Variants in CGNL1 observed in about 807,000 individuals in gnomAD.
The protein encoded by CGNL1 is cingulin-like protein 1.
CGNL1 carries 132 observed loss-of-function variants against 141.2 expected under a neutral mutation model. The ratio of observed to expected loss-of-function variants is 0.93; its 90% CI spans 0.81 to 1.08. The LOEUF (loss-of-function observed/expected upper bound fraction) is 1.08. Ranked by LOEUF, CGNL1 falls within the 50% of genes least tolerant of loss-of-function variation. The pLI, the probability that CGNL1 is intolerant of heterozygous loss-of-function variation, is 0.00. For missense variants in CGNL1, 1,870 were observed against 1,588.6 expected, an observed-to-expected ratio of 1.18 and a Z score of -3.01; for synonymous variants, 690 against 622.1, an observed-to-expected ratio of 1.11 and a Z score of -1.63.
chr15:57,496,893 T>C (rs1257596350), intron 8 of CGNL1, among the ~76,000 whole-genome samples: 1 of 152,070 alleles, frequency 6.6e-6, no homozygotes, highest in Non-Finnish European at 1.5e-5. Context: ...AACAGATGGG[T>C]GCTGATAGAC....
chr15:57,503,303 A>T (rs1183766975), intron 8 of CGNL1, among the ~76,000 whole-genome samples: 1 of 152,188 alleles, frequency 6.6e-6, no homozygotes, highest in Non-Finnish European at 1.5e-5. Context: ...GGGCTTCTCA[A>T]AATCACGAGT....
At chr15:57,414,057 T>C (rs868644411) in intron 1 of CGNL1, among the ~76,000 whole-genome samples, 1 of 152,252 alleles carries the variant, frequency 6.6e-6, no homozygotes, top group South Asian at 2.1e-4. Flanking sequence ...GAAGGTTTAC[T>C]AAAGTGATCT....
At chr15:57,409,757 C>A (rs1231871060) in intron 1 of CGNL1, among the ~76,000 whole-genome samples, 3 of 152,116 alleles carry the variant, frequency 2.0e-5, no homozygotes, top group Admixed American at 6.5e-5. Flanking sequence ...GACTTTTAGA[C>A]ATTTAGAAGC....
chr15:57,505,640 T>C (rs2064091575), intron 8 of CGNL1, among the ~76,000 whole-genome samples: 1 of 152,186 alleles, frequency 6.6e-6, no homozygotes, highest in Non-Finnish European at 1.5e-5. Context: ...CCTAAACGCT[T>C]GTAGCAGTCT....
At chr15:57,397,908 G>A (rs1008518522) in intron 1 of CGNL1, among the ~76,000 whole-genome samples, 4 of 151,936 alleles carry the variant, frequency 2.6e-5, no homozygotes, top group South Asian at 4.2e-4. Flanking sequence ...TCAGCCTCCC[G>A]AGTAGCTGGG....
chr15:57,471,770 G>C (rs1362385825), intron 8 of CGNL1, among the ~76,000 whole-genome samples: 1 of 152,154 alleles, frequency 6.6e-6, no homozygotes, highest in African/African-American at 2.4e-5. Flanking sequence ...CTAACTGTTG[G>C]GAATGGATTG....
At chr15:57,546,049 C>A in intron 17 of CGNL1, 27 bp from the exon 18 acceptor site, 2 of 1,599,966 alleles carry the variant, frequency 1.3e-6, no homozygotes, top group African/African-American at 2.7e-5. Context: ...TCAGCCGGCA[C>A]TCAGCCCACA....
chr15:57,437,618 GCAAAAAAA>G (rs1268060354), intron 1 of CGNL1, among the ~76,000 whole-genome samples: 5 of 7,638 alleles, frequency 6.5e-4, no homozygotes, highest in Admixed American at 1.2e-3. Context: ...CAACTAAACA[GCAAAAAAA>G]AAAAAAAAAA....
chr15:57,480,324 C>T (rs1315085470), intron 8 of CGNL1, among the ~76,000 whole-genome samples: 1 of 133,086 alleles, frequency 7.5e-6, no homozygotes, highest in Non-Finnish European at 1.5e-5. Flanking sequence ...TTGAGACCCG[C>T]CTGGCCAACA....
At chr15:57,471,838 A>G (rs2063585823) in intron 8 of CGNL1, among the ~76,000 whole-genome samples, 1 of 152,206 alleles carries the variant, frequency 6.6e-6, no homozygotes, top group Non-Finnish European at 1.5e-5. Flanking sequence ...TCATTAATTA[A>G]GCAAATATCT....
At chr15:57,470,861 A>C (rs2063572933) in intron 8 of CGNL1, among the ~76,000 whole-genome samples, 1 of 152,232 alleles carries the variant, frequency 6.6e-6, no homozygotes, top group African/African-American at 2.4e-5. Context: ...GGCAAAATTC[A>C]GGTGAGAAAT....
intron 8 of CGNL1, among the ~76,000 whole-genome samples, chr15:57,486,234 A>C (rs1370483249): frequency 2.0e-5 from 3 of 152,148 alleles, no homozygotes; most frequent in East Asian, 3.9e-4. Flanking sequence ...GTCCCAGTCA[A>C]CCTTCCCTGC....
At chr15:57,391,484 G>A (rs543465391) in intron 1 of CGNL1, among the ~76,000 whole-genome samples, 22 of 152,186 alleles carry the variant, frequency 1.4e-4, no homozygotes, top group Non-Finnish European at 2.5e-4. Flanking sequence ...AAGGGTGTGA[G>A]GAGACAGACA....
chr15:57,502,584 A>G (rs2064040970), intron 8 of CGNL1, among the ~76,000 whole-genome samples: 1 of 152,188 alleles, frequency 6.6e-6, no homozygotes, highest in African/African-American at 2.4e-5. Flanking sequence ...GGTCAGAGAG[A>G]GGAAATAACC....
intron 8 of CGNL1, among the ~76,000 whole-genome samples, chr15:57,489,105 A>G (rs2063823756): frequency 6.6e-6 from 1 of 152,244 alleles, no homozygotes; most frequent in South Asian, 2.1e-4. Context: ...TGACTAAAGT[A>G]TCCAAAGTTA....
chr15:57,440,502 T>G, intron 3 of CGNL1, 31 bp downstream of exon 3: 2 of 1,466,822 alleles, frequency 1.4e-6, no homozygotes, highest in East Asian at 4.8e-5. Flanking sequence ...AAGAGCAAAG[T>G]ATTGTTGTTT....
At chr15:57,390,689 C>T (rs538302230) in intron 1 of CGNL1, among the ~76,000 whole-genome samples, 1 of 152,234 alleles carries the variant, frequency 6.6e-6, no homozygotes, top group East Asian at 1.9e-4. Flanking sequence ...GGTACCAGCC[C>T]AGGCCTTGGC....
chr15:57,392,027 T>C (rs1188360500), intron 1 of CGNL1, among the ~76,000 whole-genome samples: 5 of 150,380 alleles, frequency 3.3e-5, no homozygotes, highest in Admixed American at 1.3e-4. Context: ...TTCAGCACCA[T>C]AAGATGGTGA....
rs112735963 is a variant in CGNL1, at chr15:57,435,958, C to T, written c.-15-2027C>T. On this transcript the variant is annotated intron_variant, in intron 1 of 18. Coordinates refer to ENST00000281282, the MANE Select transcript of CGNL1 (RefSeq NM_032866.5). ...AAATGGTAGAGACTTCATTTTCTGACCACAATACAGGTAGAGATTAGCAAC... is the reference window on the plus strand; with the variant it reads ...AAATGGTAGAGACTTCATTTTCTGATCACAATACAGGTAGAGATTAGCAAC... Among the ~76,000 whole-genome samples, 873 of 152,228 alleles carry T rather than the reference C, an allele frequency of 5.7e-3. 8 individuals are homozygous for T. The highest frequency in any genetic ancestry group is 0.02 in the African/African-American group (829 of 41,554).
Sources: allele counts gnomAD v4.1 joint callset (sites outside exome capture counted in the v4.1 genomes callset), GRCh38; gene constraint gnomAD v4.1.1; transcripts MANE v1.5; gene names NCBI Gene and HGNC (gene_info 2026-07-23, HGNC 2026-07-21).